The following TEX29 variants were observed in gnomAD, a reference collection of about 807,000 sequenced individuals.
TEX29 encodes testis-expressed protein 29.
A neutral mutation model predicts 18.2 loss-of-function variants in TEX29; 26 were observed. The observed-to-expected ratio is 1.43, with a 90% CI of 1.04 to 1.98. TEX29 has a LOEUF of 1.98. Ranked by LOEUF, TEX29 falls within the 30% of genes most tolerant of loss-of-function variation. The pLI is 0.00. For missense variants in TEX29, 177 were observed against 194.2 expected, an observed-to-expected ratio of 0.91 and a Z score of 0.53; for synonymous variants, 83 against 78.5, an observed-to-expected ratio of 1.06 and a Z score of -0.31.
upstream of TEX29, among the ~76,000 whole-genome samples, chr13:111,320,122 ACCTTCCTCCC>A (rs2093661410): frequency 6.6e-6 from 1 of 151,760 alleles, no homozygotes; most frequent in East Asian, 1.9e-4. Flanking sequence ...CCCCAGACAC[ACCTTCCTCCC>A]TGGAGGCCGC....
upstream of TEX29, among the ~76,000 whole-genome samples, chr13:111,319,087 C>T (rs1461804080): frequency 2.0e-5 from 3 of 152,176 alleles, no homozygotes; most frequent in Admixed American, 1.3e-4. Context: ...TTCACCCTCA[C>T]GACCTCCTCA....
chr13:111,339,969 G>GGGGGGGGGGGCCCCC, intron 4 of TEX29, 37 bp downstream of exon 4: 1 of 1,426,702 alleles, frequency 7.0e-7, no homozygotes, highest in Non-Finnish European at 9.9e-7. Context: ...GGGTGGGGAG[G>GGGGGGGGGGGCCCCC]AGGGGACTCA....
chr13:111,333,424 T>A (rs1352171758), intron 3 of TEX29, among the ~76,000 whole-genome samples: 1 of 152,256 alleles, frequency 6.6e-6, no homozygotes, highest in Admixed American at 6.5e-5. Flanking sequence ...TTCCCTTCTG[T>A]TACTTAAACT....
chr13:111,321,405 G>A (rs760124349), intron 2 of TEX29, among the ~76,000 whole-genome samples: 8 of 152,180 alleles, frequency 5.3e-5, no homozygotes, highest in South Asian at 2.1e-4. Flanking sequence ...AGGAACCACC[G>A]GTGTGGGATG....
upstream of TEX29, among the ~76,000 whole-genome samples, chr13:111,318,578 G>A (rs1319965225): frequency 6.6e-6 from 1 of 152,104 alleles, no homozygotes; most frequent in Non-Finnish European, 1.5e-5. Context: ...GCTTCCCGGT[G>A]CTGGCTCAGT....
intron 3 of TEX29, among the ~76,000 whole-genome samples, chr13:111,333,581 A>G (rs991930892): frequency 2.0e-5 from 3 of 152,186 alleles, no homozygotes; most frequent in East Asian, 1.9e-4. Context: ...CTATATTTCT[A>G]TTGATATCTT....
chr13:111,322,508 G>A (rs1348897941), intron 2 of TEX29, among the ~76,000 whole-genome samples: 1 of 152,172 alleles, frequency 6.6e-6, no homozygotes, highest in Non-Finnish European at 1.5e-5. Flanking sequence ...TCTGTGAGGG[G>A]CTGTCAGGGG....
chr13:111,333,683 C>T (rs1370297403), intron 3 of TEX29, among the ~76,000 whole-genome samples: 2 of 152,220 alleles, frequency 1.3e-5, no homozygotes, highest in African/African-American at 2.4e-5. Flanking sequence ...TTAATTGACT[C>T]ACAGTTCTGC....
chr13:111,324,297 C>T lies in TEX29; in HGVS notation c.58+3349C>T, dbSNP rs553466958. Among the ~76,000 whole-genome samples, 10 of 152,296 alleles carry T rather than the reference C, an allele frequency of 6.6e-5. No individual in the cohort carries two copies. The South Asian group carries it at 8.3e-4, about 13-fold the overall frequency. On this transcript the variant is annotated intron_variant, in intron 2 of 5. Coordinates refer to ENST00000283547, the MANE Select transcript of TEX29 (RefSeq NM_152324.3). ...CAGCTGGGACATTCTAGTGGGCCGC[C>T]GGGCAGTGTGGCTTGGAGGTGTCCC...
intron 2 of TEX29, among the ~76,000 whole-genome samples, chr13:111,327,907 GTGCCTGGCGC>G (rs1482744987): frequency 6.6e-6 from 1 of 152,262 alleles, no homozygotes; most frequent in Non-Finnish European, 1.5e-5. Flanking sequence ...GTCGTGCGCC[GTGCCTGGCGC>G]TGCTGCGCGG....
Position 111,342,815 on chromosome 13 carries a change from A to T in TEX29, c.299A>T (p.Lys100Met), listed in dbSNP as rs1273956515. ...CCTGTGGATGTCGCGCTGCCACAGAAGTCCAGCGAAAAGGCGGAGTTGGCC... is the reference window on the plus strand; with the variant it reads ...CCTGTGGATGTCGCGCTGCCACAGATGTCCAGCGAAAAGGCGGAGTTGGCC... ...AIPVDVALPQ[K>M]SSEKAELASS... Residue 100 changes from lysine (K) to methionine (M), a missense_variant, in exon 5 of 6, where the codon AAG becomes ATG. Transcript: ENST00000283547. The T allele has an allele frequency of 6.2e-7, 1 of 1,614,134 alleles. No homozygotes were observed. Among genetic ancestry groups the T allele is most frequent in the Admixed American group, 1.7e-5 (1 of 60,024 alleles).
At chr13:111,336,606 TCTTCCAAGTATCTGA>T (rs928373457) in intron 3 of TEX29, among the ~76,000 whole-genome samples, 104 of 152,404 alleles carry the variant, frequency 6.8e-4, no homozygotes, top group African/African-American at 2.4e-3. Context: ...ACATGTCATT[TCTTCCAAGTATCTGA>T]CTTCAGTTTC....
Position 111,344,227 on chromosome 13 carries a change from A to T in TEX29, c.*104A>T. On this transcript the variant is annotated 3_prime_UTR_variant, in exon 6 of 6. Transcript: ENST00000283547. ...TGGAATGACCACCCAAAGAGAAAAA[A>T]ATAAAGGTATTTTGAAAATTGCTTC... 2.1e-6 allele frequency: 2 copies of T among 972,738 alleles called. No homozygotes were observed. Among genetic ancestry groups the T allele is most frequent in the Non-Finnish European group, 1.6e-6 (1 of 629,584 alleles). The allele number at this position is 972,738 out of a possible 1,614,324, so 60.3% of individuals were successfully genotyped here. A position where few individuals can be genotyped will look rare whatever the true frequency, so the allele number is the denominator to read the frequency against.
intron 2 of TEX29, among the ~76,000 whole-genome samples, chr13:111,321,779 C>T (rs1374585670): frequency 2.0e-5 from 3 of 151,930 alleles, no homozygotes; most frequent in East Asian, 1.9e-4. Flanking sequence ...AAAAATTAGC[C>T]GAGCGTGGTG....
chr13:111,316,790 A>G (rs1188837121), upstream of TEX29, among the ~76,000 whole-genome samples: 2 of 152,154 alleles, frequency 1.3e-5, no homozygotes, highest in South Asian at 2.1e-4. Flanking sequence ...TAAAGATACT[A>G]CCTGAGACTG....
At chr13:111,325,817 G>C (rs534203033) in intron 2 of TEX29, among the ~76,000 whole-genome samples, 20 of 152,360 alleles carry the variant, frequency 1.3e-4, no homozygotes, top group African/African-American at 4.6e-4. Flanking sequence ...ATGAACGTTT[G>C]TGTAGTGATA....
At chr13:111,330,895 T>C (rs72653602) in intron 3 of TEX29, among the ~76,000 whole-genome samples, 1,769 of 152,352 alleles carry the variant, frequency 0.012, 20 homozygotes, top group Middle Eastern at 0.027. Context: ...TTCTGTTTAT[T>C]GCGGAGTCAT....
intron 5 of TEX29, among the ~76,000 whole-genome samples, chr13:111,343,346 GGT>G (rs879371880): frequency 0.034 from 5,206 of 152,138 alleles, 124 homozygotes; most frequent in Middle Eastern, 0.062. Flanking sequence ...TGGTGGTCTT[GGT>G]TGTGCAGGGA....
At chr13:111,337,545 C>T (rs1171863770) in intron 3 of TEX29, among the ~76,000 whole-genome samples, 1 of 151,908 alleles carries the variant, frequency 6.6e-6, no homozygotes, top group Non-Finnish European at 1.5e-5. Context: ...TAGACTCTGG[C>T]ATCTCCTTTG....
Sources: gnomAD v4.1 joint callset for allele counts (sites outside exome capture counted in the v4.1 genomes callset) on GRCh38, gnomAD v4.1.1 for gene constraint, MANE v1.5 for transcripts, NCBI Gene and HGNC (gene_info 2026-07-23, HGNC 2026-07-21) for gene names.